The following IQSEC1 variants were observed in gnomAD, a reference collection of about 807,000 sequenced individuals.
The protein encoded by IQSEC1 is IQ motif and SEC7 domain-containing protein 1.
A neutral mutation model predicts 91.0 loss-of-function variants in IQSEC1; 31 were observed. The observed-to-expected ratio is 0.34, with a 90% CI of 0.26 to 0.46. The LOEUF (loss-of-function observed/expected upper bound fraction) is 0.46, where lower values mean the gene tolerates loss of function less well. IQSEC1 is among the 20% of genes least tolerant of loss of function. The pLI, the probability that IQSEC1 is intolerant of heterozygous loss-of-function variation, is 1.00. For missense variants in IQSEC1, 1,388 were observed against 1,575.6 expected (o/e 0.88, Z 2.02); for synonymous variants, 699 against 662.6 (o/e 1.05, Z -0.84).
chr3:13,012,252 CT>C (rs1702918233), intron 1 of IQSEC1, among the ~76,000 whole-genome samples: 1 of 152,216 alleles, frequency 6.6e-6, no homozygotes, highest in African/African-American at 2.4e-5. Flanking sequence ...GTCAGCTCCA[CT>C]GTGTATGAGT....
intron 1 of IQSEC1, among the ~76,000 whole-genome samples, chr3:13,216,943 G>A (rs1017699297): frequency 3.3e-5 from 5 of 152,118 alleles, no homozygotes; most frequent in South Asian, 2.1e-4. Flanking sequence ...AGCATATCAC[G>A]ACGCAGGCAA....
chr3:13,183,170 TAAATAAAC>T (rs1381211684), intron 1 of IQSEC1, among the ~76,000 whole-genome samples: 99 of 132,708 alleles, frequency 7.5e-4, no homozygotes, highest in Non-Finnish European at 1.3e-3. Flanking sequence ...TCCCCACCAA[TAAATAAAC>T]AAACAAACAA....
chr3:12,944,204 C>T (rs1699012510), intron 1 of IQSEC1, among the ~76,000 whole-genome samples: 1 of 152,234 alleles, frequency 6.6e-6, no homozygotes, highest in South Asian at 2.1e-4. Context: ...CAAGCCCCTC[C>T]CCTACAGCCC....
chr3:13,109,840 C>A (rs1706211826), intron 2 of IQSEC1, among the ~76,000 whole-genome samples: 1 of 149,414 alleles, frequency 6.7e-6, no homozygotes, highest in South Asian at 2.1e-4. Context: ...TTCTTTATAG[C>A]GGTGCAAGAA....
intron 1 of IQSEC1, among the ~76,000 whole-genome samples, chr3:12,966,105 G>A (rs1700547500): frequency 6.6e-6 from 1 of 152,196 alleles, no homozygotes; most frequent in African/African-American, 2.4e-5. Context: ...GGCCGCGGGT[G>A]TGTGTGGGAT....
intron 2 of IQSEC1, among the ~76,000 whole-genome samples, chr3:13,141,075 A>C (rs564682524): frequency 1.2e-4 from 19 of 152,344 alleles, no homozygotes; most frequent in African/African-American, 3.6e-4. Context: ...CAAGAGTTTG[A>C]TGTTTATTTC....
At chr3:13,209,296 G>A (rs888139779) in intron 1 of IQSEC1, among the ~76,000 whole-genome samples, 4 of 152,192 alleles carry the variant, frequency 2.6e-5, no homozygotes, top group African/African-American at 9.7e-5. Flanking sequence ...GCACTTGCTT[G>A]CTCTATCTCC....
chr3:13,115,768 C>T (rs1353745746), intron 2 of IQSEC1, among the ~76,000 whole-genome samples: 5 of 152,192 alleles, frequency 3.3e-5, no homozygotes, highest in Non-Finnish European at 7.3e-5. Context: ...ATTTCACAGG[C>T]GAGCTAGGCA....
At chr3:13,003,276 C>CAA (rs56239928) in intron 1 of IQSEC1, among the ~76,000 whole-genome samples, 5,238 of 56,774 alleles carry the variant, frequency 0.092, 376 homozygotes, top group African/African-American at 0.16. Flanking sequence ...CTGTCTCTAC[C>CAA]AAAAAAAAAA....
intron 1 of IQSEC1, among the ~76,000 whole-genome samples, chr3:13,238,911 A>G (rs931106308): frequency 6.6e-6 from 1 of 152,222 alleles, no homozygotes; most frequent in African/African-American, 2.4e-5. Context: ...GGAGCTGGAC[A>G]TAAAGAGACC....
At chr3:13,133,563 GCC>G (rs1706657081) in intron 2 of IQSEC1, among the ~76,000 whole-genome samples, 1 of 152,226 alleles carries the variant, frequency 6.6e-6, no homozygotes, top group African/African-American at 2.4e-5. Flanking sequence ...GCCCGGCTCT[GCC>G]CTGACCTTGC....
At chr3:13,215,753 C>A (rs1204266100) in intron 1 of IQSEC1, among the ~76,000 whole-genome samples, 4 of 152,212 alleles carry the variant, frequency 2.6e-5, no homozygotes, top group African/African-American at 9.6e-5. Flanking sequence ...GCAATTCCCA[C>A]ATAAGCTCAG....
At chr3:12,997,178 A>G (rs969437103) in intron 1 of IQSEC1, among the ~76,000 whole-genome samples, 4 of 152,252 alleles carry the variant, frequency 2.6e-5, no homozygotes, top group African/African-American at 9.6e-5. Context: ...TTCTACTGAA[A>G]AATTCAAGGA....
At chr3:12,904,121 C>A (rs1334899365) in intron 12 of IQSEC1, among the ~76,000 whole-genome samples, 2 of 152,240 alleles carry the variant, frequency 1.3e-5, no homozygotes, top group African/African-American at 4.8e-5. Context: ...AGGCCACCAG[C>A]CAGTGACAGG....
intron 1 of IQSEC1, among the ~76,000 whole-genome samples, chr3:12,987,376 C>T (rs1214432007): frequency 2.6e-5 from 4 of 152,188 alleles, no homozygotes; most frequent in Middle Eastern, 3.2e-3. Flanking sequence ...CAAATGGTGC[C>T]GGGCCACCTG....
Position 12,915,668 on chromosome 3 carries a change from G to A in IQSEC1, c.2086C>T (p.Arg696Ter). 1 of 1,614,094 alleles carries A rather than the reference G, an allele frequency of 6.2e-7. No homozygotes were observed. Among genetic ancestry groups the A allele is most frequent in the Non-Finnish European group, 8.5e-7 (1 of 1,179,976 alleles). ...TGGTCCTCATTGGTCTTTAGCTCTCGCTTACGGATCCGTTCATAGATCCCC... is the reference window on the plus strand; with the variant it reads ...TGGTCCTCATTGGTCTTTAGCTCTCACTTACGGATCCGTTCATAGATCCCC... Reference protein sequence around the residue: ...LMGIYERIRKRELKTNEDHVS... With the variant: ...LMGIYERIRK Residue 696 changes from arginine to a stop codon, truncating the protein, a stop_gained, in exon 7 of 14, where the codon CGA (arginine) becomes TGA (stop). Coordinates refer to ENST00000613206, the MANE Select transcript of IQSEC1 (RefSeq NM_001134382.3). LOFTEE classifies it high-confidence loss of function.
intron 2 of IQSEC1, among the ~76,000 whole-genome samples, chr3:13,153,630 A>G (rs535875150): frequency 1.3e-5 from 2 of 152,192 alleles, no homozygotes; most frequent in East Asian, 3.9e-4. Flanking sequence ...CACCCAGACA[A>G]TGGAGCCCTG....
At chr3:13,137,632 G>A (rs1481262000) in intron 2 of IQSEC1, among the ~76,000 whole-genome samples, 1 of 152,274 alleles carries the variant, frequency 6.6e-6, no homozygotes, top group Admixed American at 6.5e-5. Context: ...TAAATGGTAG[G>A]CTCACAGATA....
rs1695791752 is a variant in IQSEC1, at chr3:13,281,621, G to A, written c.272+1090C>T. 2.0e-5 allele frequency among the ~76,000 whole-genome samples: 3 copies of A among 152,210 alleles called. No individual in the cohort carries two copies. In the South Asian group the frequency reaches 6.2e-4, roughly 32 times the overall value. ...CCACAGTCGCTGCAGCCCCCCTGGG[G>A]TGGGAAACTCGGGTTTCCATGACAG... On this transcript the variant is annotated intron_variant, in intron 1 of 15. Transcript: ENST00000648114.
Sources: allele counts gnomAD v4.1 joint callset (sites outside exome capture counted in the v4.1 genomes callset), GRCh38; gene constraint gnomAD v4.1.1; transcripts MANE v1.5; gene names NCBI Gene and HGNC (gene_info 2026-07-23, HGNC 2026-07-21).